The following SDCCAG8 variants were observed in gnomAD, a reference collection of about 807,000 sequenced individuals.
SDCCAG8 encodes the protein serologically defined colon cancer antigen 8.
In SDCCAG8, 74 loss-of-function variants were observed where a neutral mutation model predicts 101.8. The observed-to-expected ratio is 0.73, with a 90% CI of 0.60 to 0.88. The LOEUF (loss-of-function observed/expected upper bound fraction) is 0.88. Ranked by LOEUF, SDCCAG8 falls within the 40% of genes least tolerant of loss-of-function variation. The probability of loss-of-function intolerance (pLI) is 0.00; values close to 1 mark genes in which losing one functional copy is unlikely to be tolerated. For missense variants in SDCCAG8, 787 were observed against 822.6 expected (o/e 0.96, Z 0.53); for synonymous variants, 281 against 292.9 (o/e 0.96, Z 0.41).
At chr1:243,402,160 G>A (rs889348879) in intron 13 of SDCCAG8, among the ~76,000 whole-genome samples, 1 of 152,144 alleles carries the variant, frequency 6.6e-6, no homozygotes. Flanking sequence ...GGGCGCGGTA[G>A]CTCATGTCTG....
rs759530315 is a variant in SDCCAG8, at chr1:243,316,911, C to T, written c.1068+18C>T. ...AAACCAAGGCAAGTCTAATAAGATG[C>T]AAATAAAAGTGTCTTTCTTTTTTTT... On this transcript the variant is annotated intron_variant, in intron 9 of 17. Transcript: ENST00000366541. The T allele has an allele frequency of 2.5e-6, 4 of 1,609,394 alleles. No homozygotes were observed. Among genetic ancestry groups the T allele is most frequent in the Non-Finnish European group, 3.4e-6 (4 of 1,177,538 alleles).
At chr1:243,472,912 G>T (rs1376013095) in intron 16 of SDCCAG8, among the ~76,000 whole-genome samples, 1 of 152,150 alleles carries the variant, frequency 6.6e-6, no homozygotes, top group Admixed American at 6.5e-5. Flanking sequence ...AAACATAAAT[G>T]TCCACCAGAA....
At chr1:243,339,980 A>G (rs2075289399) in intron 10 of SDCCAG8, among the ~76,000 whole-genome samples, 1 of 152,224 alleles carries the variant, frequency 6.6e-6, no homozygotes, top group African/African-American at 2.4e-5. Context: ...TAGAAGAGTG[A>G]CTTCCTGGAA....
chr1:243,417,948 G>A lies in SDCCAG8; in HGVS notation c.1745-20G>A. ...AACCATAAACATCTTATGTTGGTGG[G>A]GGTTTATTGTTATTTCTAGAAAATG... is the stretch of plus-strand genomic sequence containing the variant. On this transcript the variant is annotated intron_variant, in intron 14 of 17. Coordinates refer to ENST00000366541, the MANE Select transcript of SDCCAG8 (RefSeq NM_006642.5). 5 of 1,525,996 alleles carry A rather than the reference G, an allele frequency of 3.3e-6. No individual in the cohort carries two copies. The highest frequency in any genetic ancestry group is 4.5e-6 in the Non-Finnish European group (5 of 1,100,286). 94.5% of individuals were successfully genotyped at this position (1,525,996 alleles called of 1,614,324 possible). A position where few individuals can be genotyped will look rare whatever the true frequency, so the allele number is the denominator to read the frequency against.
chr1:243,275,560 G>A (rs1245967951), intron 4 of SDCCAG8, among the ~76,000 whole-genome samples: 1 of 152,018 alleles, frequency 6.6e-6, no homozygotes, highest in Non-Finnish European at 1.5e-5. Context: ...TAATATACAC[G>A]TGGTCCTGGA....
chr1:243,342,787 C>T (rs776675761), intron 11 of SDCCAG8, among the ~76,000 whole-genome samples: 3 of 152,038 alleles, frequency 2.0e-5, no homozygotes, highest in African/African-American at 7.2e-5. Flanking sequence ...GGAATAAACT[C>T]TCTCACATTG....
intron 16 of SDCCAG8, among the ~76,000 whole-genome samples, chr1:243,466,694 T>C (rs1660207289): frequency 1.3e-5 from 2 of 152,192 alleles, no homozygotes; most frequent in South Asian, 4.1e-4. Context: ...CAGCCTGTAA[T>C]AGGAAATGAG....
chr1:243,453,258 C>T (rs972428529), intron 16 of SDCCAG8, among the ~76,000 whole-genome samples: 6 of 152,040 alleles, frequency 3.9e-5, no homozygotes, highest in South Asian at 2.1e-4. Context: ...TCCATCCCAC[C>T]GGCTGTACTC....
At chr1:243,357,133 G>A (rs1025358543) in intron 12 of SDCCAG8, among the ~76,000 whole-genome samples, 3 of 152,120 alleles carry the variant, frequency 2.0e-5, no homozygotes, top group African/African-American at 4.8e-5. Context: ...TAATCCCGGC[G>A]CTTTGAGAGG....
At chr1:243,339,657 T>A (rs943666953) in intron 10 of SDCCAG8, among the ~76,000 whole-genome samples, 94 of 152,208 alleles carry the variant, frequency 6.2e-4, no homozygotes, top group African/African-American at 2.2e-3. Flanking sequence ...CTGCCTAAAT[T>A]ATTTTCATAG....
intron 9 of SDCCAG8, chr1:243,318,443 C>T (rs1372138347): frequency 2.4e-6 from 1 of 418,022 alleles, no homozygotes; most frequent in East Asian, 1.6e-4. Flanking sequence ...ATCTGTATAA[C>T]AAAACCCCGT....
chr1:243,387,773 T>C (rs978017176), intron 13 of SDCCAG8, among the ~76,000 whole-genome samples: 1 of 152,164 alleles, frequency 6.6e-6, no homozygotes, highest in Non-Finnish European at 1.5e-5. Context: ...TGCAGTGCAG[T>C]GGTGTGGTCT....
intron 9 of SDCCAG8, among the ~76,000 whole-genome samples, chr1:243,327,319 T>TTTCTA (rs2074231402): frequency 6.9e-6 from 1 of 144,894 alleles, no homozygotes; most frequent in Non-Finnish European, 1.5e-5. Flanking sequence ...TTTATAGAAA[T>TTTCTA]TAAAATTATA....
chr1:243,404,532 AAG>A (rs1447659228), intron 13 of SDCCAG8, among the ~76,000 whole-genome samples: 1 of 152,248 alleles, frequency 6.6e-6, no homozygotes, highest in African/African-American at 2.4e-5. Flanking sequence ...GTATCAAGAA[AAG>A]AATTTTCTTA....
intron 15 of SDCCAG8, among the ~76,000 whole-genome samples, chr1:243,423,839 C>A (rs2081169201): frequency 6.6e-6 from 1 of 151,884 alleles, no homozygotes; most frequent in Non-Finnish European, 1.5e-5. Flanking sequence ...ACTTGGATGA[C>A]CTTAGGCAAA....
At chr1:243,348,352 G>A (rs943331898) in intron 12 of SDCCAG8, among the ~76,000 whole-genome samples, 4 of 151,622 alleles carry the variant, frequency 2.6e-5, no homozygotes, top group Non-Finnish European at 5.9e-5. Flanking sequence ...GCCCGGCCTG[G>A]GGCGGGAATT....
At chr1:243,300,146 AGCCACTGTGCCTGGCCAT>A (rs1383120280) in intron 6 of SDCCAG8, among the ~76,000 whole-genome samples, 21 of 152,320 alleles carry the variant, frequency 1.4e-4, no homozygotes, top group East Asian at 7.7e-4. Flanking sequence ...TACAGGCGTG[AGCCACTGTGCCTGGCCAT>A]GAATTAATTA....
At chr1:243,391,985 G>C (rs759678456) in intron 13 of SDCCAG8, among the ~76,000 whole-genome samples, 8 of 152,136 alleles carry the variant, frequency 5.3e-5, no homozygotes, top group Non-Finnish European at 8.8e-5. Flanking sequence ...GGCTCACCAG[G>C]CTGGACGTTG....
intron 12 of SDCCAG8, among the ~76,000 whole-genome samples, chr1:243,360,066 A>G (rs1319276749): frequency 6.6e-6 from 1 of 150,630 alleles, no homozygotes; most frequent in Non-Finnish European, 1.5e-5. Flanking sequence ...TTCTGTCCAT[A>G]TATCTTCTTC....
Sources: allele counts gnomAD v4.1 joint callset (sites outside exome capture counted in the v4.1 genomes callset), GRCh38; gene constraint gnomAD v4.1.1; transcripts MANE v1.5; gene names NCBI Gene and HGNC (gene_info 2026-07-23, HGNC 2026-07-21).